The following HERC2 variants were observed in gnomAD, a reference collection of about 807,000 sequenced individuals.
The protein encoded by HERC2 is E3 ubiquitin-protein ligase HERC2.
A neutral mutation model predicts 537.7 loss-of-function variants in HERC2; 102 were observed. The ratio of observed to expected loss-of-function variants is 0.19; its 90% CI spans 0.16 to 0.22. The LOEUF is 0.22. HERC2 is among the 10% of genes least tolerant of loss of function. The pLI is 1.00. For missense variants in HERC2, 4,236 were observed against 6,198.2 expected, an observed-to-expected ratio of 0.68 and a Z score of 10.63; for synonymous variants, 2,224 against 2,466.2, an observed-to-expected ratio of 0.90 and a Z score of 2.91.
chr15:28,308,908 TG>T, intron 2 of HERC2, among the ~76,000 whole-genome samples: 1 of 152,252 alleles, frequency 6.6e-6, no homozygotes. Flanking sequence ...TTGGTCACAA[TG>T]AACGATCTTT....
chr15:28,299,585 T>C (rs541049423), intron 2 of HERC2, 69 bp from the exon 3 acceptor site: 10 of 807,536 alleles, frequency 1.2e-5, no homozygotes, highest in East Asian at 2.5e-5. Context: ...AAGAATGATA[T>C]GGGAAAAAAA....
chr15:28,249,838 T>G (rs914735044), intron 20 of HERC2, among the ~76,000 whole-genome samples: 143 of 147,608 alleles, frequency 9.7e-4, no homozygotes, highest in African/African-American at 3.5e-3. Flanking sequence ...TTTTTTTAAG[T>G]GGAGACGGGC....
In HERC2 at chr15:28,254,478, A is replaced by T; in HGVS notation, c.2912T>A (p.Ile971Asn). Residue 971 changes from isoleucine to asparagine, a missense_variant, in exon 20 of 93, where the codon ATT (isoleucine) becomes AAT (asparagine). Ile to Asn is a moderately radical substitution (Grantham distance 149). Transcript: ENST00000261609. ...AKKEAQKEKE[I>N]DEQEANASTF... Reference sequence around the variant, plus strand: ...TGAGGCATTCGCTTCCTGTTCATCAATTTCTTTTTCCTTCTGTGCTTCTTT... The same window carrying T: ...TGAGGCATTCGCTTCCTGTTCATCATTTTCTTTTTCCTTCTGTGCTTCTTT... The T allele has an allele frequency of 2.5e-6, 4 of 1,601,132 alleles. No homozygotes were observed. Among genetic ancestry groups the T allele is most frequent in the Non-Finnish European group, 3.4e-6 (4 of 1,176,200 alleles).
At chr15:28,202,703 T>C (rs1271563096) in intron 45 of HERC2, 89 bp from the exon 46 acceptor site, 2 of 459,880 alleles carry the variant, frequency 4.3e-6, no homozygotes, top group Non-Finnish European at 7.4e-6. Context: ...GGCCTTCTAC[T>C]GTGAACTGCA....
intron 85 of HERC2, 37 bp from the exon 86 acceptor site, chr15:28,121,466 T>C: frequency 6.7e-7 from 1 of 1,493,628 alleles, no homozygotes; most frequent in Non-Finnish European, 9.3e-7. Context: ...TAGAATCTGA[T>C]ATGGAAAGCA....
chr15:28,196,377 G>C (rs1360767802), intron 51 of HERC2, 23 bp from the exon 52 acceptor site: 3 of 1,307,754 alleles, frequency 2.3e-6, no homozygotes, highest in Non-Finnish European at 3.2e-6. Flanking sequence ...TAGCAACTGA[G>C]TTAAGAAAGG....
intron 16 of HERC2, among the ~76,000 whole-genome samples, chr15:28,259,969 CAAAAAAA>C (rs35995546): frequency 1.5e-5 from 1 of 67,566 alleles, no homozygotes. Flanking sequence ...CTCCATCTGG[CAAAAAAA>C]AAAAAAAAAA....
chr15:28,210,964 CCTT>C (rs1899148030), intron 44 of HERC2, 35 bp downstream of exon 44: 2 of 956,200 alleles, frequency 2.1e-6, no homozygotes, highest in African/African-American at 3.2e-5. Context: ...TTTCTACTGC[CCTT>C]CTTATAAAGA....
intron 2 of HERC2, among the ~76,000 whole-genome samples, chr15:28,301,082 C>G (rs2076610968): frequency 2.6e-5 from 4 of 151,742 alleles, no homozygotes; most frequent in Admixed American, 2.0e-4. Context: ...AGGGCCAGGG[C>G]AGACAAAGAT....
At chr15:28,243,477 T>C (rs1368684515) in intron 23 of HERC2, among the ~76,000 whole-genome samples, 4 of 151,940 alleles carry the variant, frequency 2.6e-5, no homozygotes, top group Admixed American at 6.6e-5. Context: ...CCATCAGAAA[T>C]AGAGCCAAAA....
intron 83 of HERC2, 40 bp downstream of exon 83, chr15:28,130,123 T>G: frequency 6.2e-7 from 1 of 1,610,242 alleles, no homozygotes; most frequent in Non-Finnish European, 8.5e-7. Flanking sequence ...CCCTCTTAGA[T>G]TCACAGGCCT....
Position 28,188,285 on chromosome 15 carries a change from G to A in HERC2, c.8650-1533C>T, listed in dbSNP as rs191964585. ...TGGCTGGGCACGGTGGCTCACGCCT[G>A]TAATCCCAGCACTTTGGGAGGCCGA... On this transcript the variant is annotated intron_variant, in intron 55 of 92. Transcript: ENST00000261609. Among the ~76,000 whole-genome samples, 65 of 152,316 alleles carry A rather than the reference G, an allele frequency of 4.3e-4. 1 individual carries two copies. Among genetic ancestry groups the A allele is most frequent in the African/African-American group, 1.5e-3 (63 of 41,572 alleles).
intron 68 of HERC2, 75 bp downstream of exon 68, chr15:28,167,612 C>T: frequency 6.4e-7 from 1 of 1,563,348 alleles, no homozygotes; most frequent in Non-Finnish European, 8.8e-7. Flanking sequence ...TGTTCCACTC[C>T]TAAGTTCTAT....
At chr15:28,182,291 G>A (rs536520474) in intron 57 of HERC2, 110 bp downstream of exon 57, 25 of 629,030 alleles carry the variant, frequency 4.0e-5, no homozygotes, top group South Asian at 7.2e-5. Context: ...CTTTTAGTTC[G>A]TGTAAAGAAA....
intron 4 of HERC2, among the ~76,000 whole-genome samples, chr15:28,291,889 A>G (rs1374123832): frequency 1.4e-4 from 19 of 131,188 alleles, no homozygotes; most frequent in Non-Finnish European, 2.9e-4. Flanking sequence ...TGGGCGACAG[A>G]ACAAGACTCC....
intron 35 of HERC2, among the ~76,000 whole-genome samples, chr15:28,227,112 T>G (rs1317093807): frequency 6.6e-6 from 1 of 152,000 alleles, no homozygotes; most frequent in Non-Finnish European, 1.5e-5. Flanking sequence ...CCATCTCTAC[T>G]AAAAATATAA....
At chr15:28,207,003 C>A (rs1898549250) in intron 44 of HERC2, among the ~76,000 whole-genome samples, 1 of 151,406 alleles carries the variant, frequency 6.6e-6, no homozygotes, top group African/African-American at 2.4e-5. Flanking sequence ...GAGCGAGACT[C>A]CATCTCAAAA....
At chr15:28,117,398 G>A (rs1415357175) in intron 86 of HERC2, 2 of 697,338 alleles carry the variant, frequency 2.9e-6, no homozygotes, top group East Asian at 2.7e-5. Flanking sequence ...CAGCCCCCAG[G>A]ACTAGTGTGT....
At chr15:28,192,319 A>G (rs1346259985) in intron 52 of HERC2, among the ~76,000 whole-genome samples, 168 bp from the exon 53 acceptor site, 2 of 152,194 alleles carry the variant, frequency 1.3e-5, no homozygotes, top group Non-Finnish European at 2.9e-5. Flanking sequence ...ATATAGTTAC[A>G]CCAATTTATG....
Sources: gnomAD v4.1 joint callset for allele counts (sites outside exome capture counted in the v4.1 genomes callset) on GRCh38, gnomAD v4.1.1 for gene constraint, MANE v1.5 for transcripts, NCBI Gene and HGNC (gene_info 2026-07-23, HGNC 2026-07-21) for gene names.